Variants in ADAMTS17 observed in about 807,000 individuals in gnomAD.
ADAMTS17 encodes the protein A disintegrin and metalloproteinase with thrombospondin motifs 17.
In ADAMTS17, 113 loss-of-function variants were observed where a neutral mutation model predicts 141.5. That is an observed-to-expected ratio of 0.80 (90% CI 0.69 to 0.93). The LOEUF (loss-of-function observed/expected upper bound fraction) is 0.93. Among genes scored for constraint, ADAMTS17 ranks in the 40% least tolerant of loss-of-function variants. The pLI is 0.00. For synonymous variants in ADAMTS17, 768 were observed against 630.6 expected, an observed-to-expected ratio of 1.22 and a Z score of -3.27; for missense variants, 1,659 against 1,517.9, an observed-to-expected ratio of 1.09 and a Z score of -1.54.
chr15:100,152,678 G>C lies in ADAMTS17; in HGVS notation c.1407C>G (p.His469Gln), dbSNP rs1182396454. 1 of 1,614,210 alleles carries C rather than the reference G, an allele frequency of 6.2e-7. No individual in the cohort carries two copies. Among genetic ancestry groups the C allele is most frequent in the South Asian group, 1.1e-5 (1 of 91,086 alleles). Reference sequence around the variant, plus strand: ...TCTGGCACTGCTCGTTGGCACTGTAGTGCATGCCCGGCAGCTTGTGCGGGA... The same window carrying C: ...TCTGGCACTGCTCGTTGGCACTGTACTGCATGCCCGGCAGCTTGTGCGGGA... ...VRLPHKLPGMHYSANEQCQIL... is the reference protein window; with the variant it reads ...VRLPHKLPGMQYSANEQCQIL... The change falls in exon 10 of 22, where the codon CAC becomes CAG. Residue 469 changes from histidine to glutamine, a missense_variant. Transcript: ENST00000268070.
rs116018086 is a variant in ADAMTS17 at position 100,137,566 on chromosome 15, G to A, written c.1474-4251C>T. On this transcript the variant is annotated intron_variant, in intron 10 of 21. Transcript: ENST00000268070. ...GATGGATGAACCTTCTGCTTTCAGC[G>A]AATAGCAGACTTTGTGGCAGACAGG... 6.7e-3 allele frequency among the ~76,000 whole-genome samples: 1,026 copies of A among 152,250 alleles called. 12 individuals carry two copies. Among genetic ancestry groups the A allele is most frequent in the African/African-American group, 0.023 (944 of 41,550 alleles).
chr15:100,201,126 A>C (rs150069201), intron 7 of ADAMTS17, among the ~76,000 whole-genome samples: 181 of 152,342 alleles, frequency 1.2e-3, no homozygotes, highest in African/African-American at 3.8e-3. Context: ...TGCAGAGTTC[A>C]GCCATACACA....
intron 15 of ADAMTS17, among the ~76,000 whole-genome samples, chr15:100,089,058 C>T (rs1483363856): frequency 1.3e-5 from 2 of 151,884 alleles, no homozygotes; most frequent in East Asian, 1.9e-4. Flanking sequence ...AGGCAACCTA[C>T]AGAATGAGAG....
At chr15:100,096,503 C>T in intron 14 of ADAMTS17, 27 bp from the exon 15 acceptor site, 1 of 1,613,966 alleles carries the variant, frequency 6.2e-7, no homozygotes, top group East Asian at 2.2e-5. Context: ...CCTCATTATT[C>T]TGTGGTTAAG....
chr15:100,055,517 C>T (rs139792797), intron 15 of ADAMTS17, among the ~76,000 whole-genome samples: 3,136 of 152,230 alleles, frequency 0.021, 51 homozygotes, highest in Non-Finnish European at 0.03. Context: ...ACAGGTTCCT[C>T]GCTTCTAGGA....
rs11323381 is a variant in ADAMTS17, at chr15:100,211,298, C to CAAA, written c.1076-11878_1076-11876dup. The stretch of plus-strand genomic sequence containing the variant: ...GCAATAGAGCAAGACAACTTCATCT[C>CAAA]AAAAAAAAAAAAAAAAAAAAAAGTT... On this transcript the variant is annotated intron_variant, in intron 7 of 21. Transcript: ENST00000268070. 2.1e-3 allele frequency among the ~76,000 whole-genome samples: 200 copies of CAAA among 95,750 alleles called. 1 individual carries two copies. The highest frequency in any genetic ancestry group is 6.8e-3 in the South Asian group (18 of 2,654). 62.8% of individuals were successfully genotyped at this position (95,750 alleles called of 152,430 possible).
intron 14 of ADAMTS17, among the ~76,000 whole-genome samples, chr15:100,097,629 C>G (rs1326142189): frequency 6.6e-6 from 1 of 152,264 alleles, no homozygotes; most frequent in African/African-American, 2.4e-5. Context: ...AGTTCTCCAA[C>G]TTAAGTGTGC....
intron 10 of ADAMTS17, among the ~76,000 whole-genome samples, chr15:100,141,343 T>G (rs1187521756): frequency 6.6e-6 from 1 of 152,206 alleles, no homozygotes; most frequent in Admixed American, 6.5e-5. Flanking sequence ...GAAGGTCATG[T>G]TGCTGTTCTC....
intron 15 of ADAMTS17, among the ~76,000 whole-genome samples, chr15:100,069,792 C>T (rs2033837982): frequency 6.7e-6 from 1 of 150,342 alleles, no homozygotes; most frequent in Admixed American, 6.6e-5. Flanking sequence ...CAAAAACAAG[C>T]CAAATTGTAA....
chr15:100,263,228 C>T (rs1401611863), intron 4 of ADAMTS17, among the ~76,000 whole-genome samples: 2 of 152,124 alleles, frequency 1.3e-5, no homozygotes, highest in Non-Finnish European at 2.9e-5. Context: ...ATTGCTAACC[C>T]TTGCCACACC....
intron 8 of ADAMTS17, among the ~76,000 whole-genome samples, chr15:100,185,329 C>T (rs2040674538): frequency 6.6e-6 from 1 of 152,232 alleles, no homozygotes; most frequent in Non-Finnish European, 1.5e-5. Context: ...AGATCTACCA[C>T]TGCTCAACAG....
chr15:100,307,650 T>A (rs1406676473), intron 3 of ADAMTS17, among the ~76,000 whole-genome samples: 2 of 152,220 alleles, frequency 1.3e-5, no homozygotes, highest in Non-Finnish European at 2.9e-5. Context: ...CCAGCTGTAA[T>A]GGGAACCATG....
intron 7 of ADAMTS17, among the ~76,000 whole-genome samples, chr15:100,245,984 G>A (rs868776930): frequency 2.3e-4 from 35 of 151,880 alleles, no homozygotes; most frequent in African/African-American, 8.2e-4. Flanking sequence ...ATCTCTAAGT[G>A]GTGCACAGAG....
At chr15:100,322,489 T>C (rs2141912438) in intron 3 of ADAMTS17, among the ~76,000 whole-genome samples, 1 of 152,308 alleles carries the variant, frequency 6.6e-6, no homozygotes, top group East Asian at 1.9e-4. Flanking sequence ...AGTAATAGAA[T>C]TCAGAATCTC....
At chr15:100,200,815 C>T (rs1288860605) in intron 7 of ADAMTS17, among the ~76,000 whole-genome samples, 4 of 152,084 alleles carry the variant, frequency 2.6e-5, no homozygotes, top group Non-Finnish European at 2.9e-5. Context: ...GTCCCTCTGT[C>T]GAGCTGCACC....
chr15:100,157,883 ATATTC>A (rs1358687862), intron 8 of ADAMTS17, among the ~76,000 whole-genome samples: 1 of 137,694 alleles, frequency 7.3e-6, no homozygotes, highest in African/African-American at 2.6e-5. Flanking sequence ...CAGTTTAGCT[ATATTC>A]TTTTTTTTTT....
chr15:100,218,395 C>A (rs894011196), intron 7 of ADAMTS17, among the ~76,000 whole-genome samples: 7 of 152,152 alleles, frequency 4.6e-5, no homozygotes, highest in African/African-American at 1.4e-4. Flanking sequence ...TCAATAAAAA[C>A]CAAACACAAT....
rs541899046 is a variant in ADAMTS17, at chr15:99,980,467, G to A, written c.2950-4245C>T. ...GCAAAACATGTACCCAGGAGGGAAA[G>A]GCAGGCAGCCTCCTATTCCTTTCTG... is the stretch of plus-strand genomic sequence containing the variant. On this transcript the variant is annotated intron_variant, in intron 20 of 21. Transcript: ENST00000268070. The A allele has an allele frequency of 5.5e-4, 84 of 152,416 alleles. 1 individual carries two copies. The highest frequency in any genetic ancestry group is 1.9e-3 in the African/African-American group (77 of 41,572). 9.4% of individuals were successfully genotyped at this position (152,416 alleles called of 1,614,324 possible). A position where few individuals can be genotyped will look rare whatever the true frequency, so the allele number is the denominator to read the frequency against.
At position 99,974,576 on chromosome 15, in the gene ADAMTS17, A is replaced by G. The variant is rs1490326677; in HGVS notation, c.3128-14T>C. On this transcript the variant is annotated splice_polypyrimidine_tract_variant and intron_variant, in intron 21 of 21. Transcript: ENST00000268070. ...AGGTCAGAGCAGCTAAGGGGATAGG[A>G]GAGAGAATACCCAGGGTCAGGGATG... The G allele has an allele frequency of 1.9e-6, 3 of 1,613,998 alleles. No individual in the cohort carries two copies. The highest frequency in any genetic ancestry group is 2.5e-6 in the Non-Finnish European group (3 of 1,179,966).
Sources: gnomAD v4.1 joint callset for allele counts (sites outside exome capture counted in the v4.1 genomes callset) on GRCh38, gnomAD v4.1.1 for gene constraint, MANE v1.5 for transcripts, NCBI Gene and HGNC (gene_info 2026-07-23, HGNC 2026-07-21) for gene names.